Variants in DLC1 observed in about 807,000 individuals in gnomAD.
DLC1 encodes the protein DLC1 Rho GTPase activating protein.
DLC1 carries 54 observed loss-of-function variants against 140.3 expected under a neutral mutation model. That is an observed-to-expected ratio of 0.38 (90% CI 0.31 to 0.48). DLC1 has a LOEUF of 0.48. Ranked by LOEUF, DLC1 falls within the 20% of genes least tolerant of loss-of-function variation. The pLI is 0.96. For synonymous variants in DLC1, 986 were observed against 728.1 expected (o/e 1.35, Z -5.70); for missense variants, 2,536 against 1,907.0 (o/e 1.33, Z -6.14).
At chr8:13,547,721 A>C (rs924550298) in intron 1 of DLC1, among the ~76,000 whole-genome samples, 1 of 151,954 alleles carries the variant, frequency 6.6e-6, no homozygotes, top group African/African-American at 2.4e-5. Flanking sequence ...AAAATATTTA[A>C]CCTCTATCTG....
intron 2 of DLC1, among the ~76,000 whole-genome samples, chr8:13,442,249 C>G (rs1798547707): frequency 6.6e-6 from 1 of 152,168 alleles, no homozygotes; most frequent in African/African-American, 2.4e-5. Flanking sequence ...ACCCTAAAAA[C>G]CCTAGAAGAA....
intron 1 of DLC1, among the ~76,000 whole-genome samples, chr8:13,537,885 A>C (rs1264448751): frequency 1.3e-5 from 2 of 150,886 alleles, no homozygotes; most frequent in Non-Finnish European, 1.5e-5. Flanking sequence ...CGATTTCCTG[A>C]CCTCGTGATC....
chr8:13,111,440 A>C (rs1015187403), intron 6 of DLC1, among the ~76,000 whole-genome samples: 4 of 152,242 alleles, frequency 2.6e-5, no homozygotes, highest in African/African-American at 9.6e-5. Flanking sequence ...TTGCTATAGA[A>C]CAACAGAATC....
chr8:13,090,809 C>CTT (rs34506663), intron 14 of DLC1, among the ~76,000 whole-genome samples: 3,275 of 140,622 alleles, frequency 0.023, 68 homozygotes, highest in African/African-American at 0.047. Context: ...TTCTTTCTTT[C>CTT]TTTTTTTTTT....
intron 2 of DLC1, among the ~76,000 whole-genome samples, chr8:13,462,791 G>A (rs1261491971): frequency 6.6e-6 from 1 of 152,108 alleles, no homozygotes; most frequent in Non-Finnish European, 1.5e-5. Context: ...GAAAACAGAA[G>A]ACATTCACCA....
chr8:13,321,369 C>G (rs1355930985), intron 4 of DLC1, among the ~76,000 whole-genome samples: 3 of 151,778 alleles, frequency 2.0e-5, no homozygotes, highest in Admixed American at 6.6e-5. Flanking sequence ...GAAACCCCAT[C>G]TCTACTAAAA....
chr8:13,135,775 C>T (rs12334796), intron 5 of DLC1, among the ~76,000 whole-genome samples: 48,006 of 151,978 alleles, frequency 0.32, 7,998 homozygotes, highest in Admixed American at 0.46. Context: ...TTCATCTTTC[C>T]AGAGTAAAAC....
intron 1 of DLC1, among the ~76,000 whole-genome samples, chr8:13,585,933 TAGAG>T (rs1239554094): frequency 6.6e-6 from 1 of 152,142 alleles, no homozygotes; most frequent in Non-Finnish European, 1.5e-5. Flanking sequence ...CAAACTGTAA[TAGAG>T]AGGGAGGATA....
intron 5 of DLC1, among the ~76,000 whole-genome samples, chr8:13,212,242 C>G (rs1305110253): frequency 6.6e-6 from 1 of 152,098 alleles, no homozygotes. Flanking sequence ...GCCACGATGG[C>G]CTTCTCAGCT....
intron 5 of DLC1, among the ~76,000 whole-genome samples, chr8:13,205,095 G>C (rs1006301234): frequency 6.6e-6 from 1 of 150,950 alleles, no homozygotes; most frequent in Admixed American, 6.6e-5. Context: ...GGTCACACTA[G>C]GAAAAAAAAA....
chr8:13,341,625 A>G (rs913921433), intron 4 of DLC1: 2 of 152,172 alleles, frequency 1.3e-5, no homozygotes, highest in African/African-American at 4.8e-5. Context: ...AGCAGTTAGA[A>G]TGTTGTAAGG....
chr8:13,268,976 G>A (rs1018340820), intron 5 of DLC1, among the ~76,000 whole-genome samples: 1 of 148,312 alleles, frequency 6.7e-6, no homozygotes, highest in Non-Finnish European at 1.5e-5. Context: ...CCGGGTTCAC[G>A]CCATTCTCCT....
chr8:13,209,977 G>A (rs539238868), intron 5 of DLC1, among the ~76,000 whole-genome samples: 1 of 152,128 alleles, frequency 6.6e-6, no homozygotes, highest in South Asian at 2.1e-4. Flanking sequence ...AGAATGGCAA[G>A]TCTAGGCAAT....
At chr8:13,366,755 A>C (rs1835498623) in intron 4 of DLC1, among the ~76,000 whole-genome samples, 1 of 152,134 alleles carries the variant, frequency 6.6e-6, no homozygotes, top group Non-Finnish European at 1.5e-5. Flanking sequence ...ATCCTCAGAC[A>C]CAGGAAAGAT....
chr8:13,133,266 T>C, intron 5 of DLC1: 1 of 1,335,844 alleles, frequency 7.5e-7, no homozygotes, highest in Non-Finnish European at 9.6e-7. Context: ...CGAAGCGCCC[T>C]CGCTCGGGCA....
At chr8:13,543,888 G>A (rs991770350) in intron 1 of DLC1, among the ~76,000 whole-genome samples, 2 of 151,844 alleles carry the variant, frequency 1.3e-5, no homozygotes, top group African/African-American at 4.8e-5. Context: ...TGCATATTGG[G>A]TACAATGTAC....
chr8:13,377,727 AT>A (rs536458173), intron 4 of DLC1, among the ~76,000 whole-genome samples: 1 of 151,848 alleles, frequency 6.6e-6, no homozygotes. Context: ...AACCTCTGAA[AT>A]TTTTTTTAAC....
intron 4 of DLC1, among the ~76,000 whole-genome samples, chr8:13,368,651 A>T (rs1352989092): frequency 1.3e-5 from 2 of 152,058 alleles, no homozygotes; most frequent in Admixed American, 1.3e-4. Flanking sequence ...TAATAGGTTA[A>T]CCTTGGCAGC....
intron 1 of DLC1, chr8:13,567,053 A>G (rs1217622577): frequency 1.3e-6 from 2 of 1,551,724 alleles, no homozygotes; most frequent in Non-Finnish European, 1.7e-6. Flanking sequence ...CTTTCTGATG[A>G]GACTGAGACT....
Sources: gnomAD v4.1 joint callset for allele counts (sites outside exome capture counted in the v4.1 genomes callset) on GRCh38, gnomAD v4.1.1 for gene constraint, MANE v1.5 for transcripts, NCBI Gene and HGNC (gene_info 2026-07-23, HGNC 2026-07-21) for gene names.